Variants in ZNF385D observed in about 807,000 individuals in gnomAD.
The protein encoded by ZNF385D is zinc finger protein 385D, also known as zinc finger protein 659.
In ZNF385D, 15 loss-of-function variants were observed where a neutral mutation model predicts 35.8. The observed-to-expected ratio is 0.42, with a 90% CI of 0.28 to 0.64. ZNF385D has a LOEUF of 0.64. Among genes scored for constraint, ZNF385D ranks in the 30% least tolerant of loss-of-function variants. The pLI is 0.23. For synonymous variants in ZNF385D, 212 were observed against 186.8 expected (o/e 1.13, Z -1.10); for missense variants, 474 against 494.6 (o/e 0.96, Z 0.39).
chr3:22,233,427 A>G (rs772511705), intron 2 of ZNF385D, among the ~76,000 whole-genome samples: 1 of 152,216 alleles, frequency 6.6e-6, no homozygotes, highest in Admixed American at 6.5e-5. Flanking sequence ...ACAAGTGAGG[A>G]GATTAAATTG....
At chr3:21,645,706 C>G (rs559709568) in intron 2 of ZNF385D, among the ~76,000 whole-genome samples, 3 of 152,252 alleles carry the variant, frequency 2.0e-5, no homozygotes, top group Non-Finnish European at 4.4e-5. Flanking sequence ...AGCCAAGTTT[C>G]CTGCCAACAG....
intron 3 of ZNF385D, among the ~76,000 whole-genome samples, chr3:22,125,732 C>T (rs1328420662): frequency 6.6e-6 from 1 of 152,024 alleles, no homozygotes; most frequent in African/African-American, 2.4e-5. Context: ...TCACTGTTGG[C>T]ATATAGAAAT....
At chr3:22,151,023 C>A (rs545748709) in intron 3 of ZNF385D, among the ~76,000 whole-genome samples, 1 of 152,086 alleles carries the variant, frequency 6.6e-6, no homozygotes, top group Non-Finnish European at 1.5e-5. Context: ...CTGTGAATTA[C>A]GAAATAAAAT....
intron 2 of ZNF385D, among the ~76,000 whole-genome samples, chr3:22,203,013 A>T (rs952751308): frequency 6.6e-6 from 1 of 152,084 alleles, no homozygotes; most frequent in African/African-American, 2.4e-5. Context: ...CTGCGCTTGG[A>T]ACCAGTGAAT....
At chr3:22,114,671 G>A (rs1483250016) in intron 3 of ZNF385D, among the ~76,000 whole-genome samples, 1 of 152,070 alleles carries the variant, frequency 6.6e-6, no homozygotes, top group Non-Finnish European at 1.5e-5. Flanking sequence ...GTTCTCCCAG[G>A]TCAGGGGTGA....
chr3:21,620,487 C>T (rs760559998), intron 2 of ZNF385D, among the ~76,000 whole-genome samples: 3 of 152,106 alleles, frequency 2.0e-5, no homozygotes, highest in Non-Finnish European at 2.9e-5. Flanking sequence ...CATTTTATAC[C>T]AACAAGCCAA....
chr3:21,568,744 C>T (rs1408416123), intron 2 of ZNF385D, among the ~76,000 whole-genome samples: 2 of 151,870 alleles, frequency 1.3e-5, no homozygotes, highest in African/African-American at 4.8e-5. Flanking sequence ...TTTAATTTAC[C>T]ATCATTGTTC....
At chr3:21,693,545 A>G (rs2125352708) in intron 1 of ZNF385D, among the ~76,000 whole-genome samples, 1 of 152,350 alleles carries the variant, frequency 6.6e-6, no homozygotes, top group African/African-American at 2.4e-5. Context: ...TAAGCTGTGT[A>G]CACTTGTGCC....
intron 3 of ZNF385D, among the ~76,000 whole-genome samples, chr3:21,781,410 C>T (rs951737114): frequency 2.2e-4 from 33 of 152,028 alleles, no homozygotes; most frequent in African/African-American, 7.2e-4. Flanking sequence ...CTCCTCCTTA[C>T]ACTTCATCTG....
intron 3 of ZNF385D, among the ~76,000 whole-genome samples, chr3:21,771,894 G>T (rs1024229817): frequency 1.3e-5 from 2 of 151,914 alleles, no homozygotes; most frequent in Non-Finnish European, 2.9e-5. Flanking sequence ...TAAACCAATG[G>T]AATAGAATAG....
chr3:22,272,949 G>A (rs539533705), intron 2 of ZNF385D, among the ~76,000 whole-genome samples: 4 of 151,900 alleles, frequency 2.6e-5, no homozygotes, highest in Non-Finnish European at 4.4e-5. Flanking sequence ...CAAAATTAAT[G>A]ATGACTTTTT....
chr3:22,309,306 G>C (rs1345327716), intron 2 of ZNF385D, among the ~76,000 whole-genome samples: 1 of 151,858 alleles, frequency 6.6e-6, no homozygotes, highest in South Asian at 2.1e-4. Flanking sequence ...TCTCTGCCCT[G>C]TACAGTTAAA....
At chr3:21,879,530 C>A (rs772914687) in intron 3 of ZNF385D, among the ~76,000 whole-genome samples, 4 of 151,976 alleles carry the variant, frequency 2.6e-5, no homozygotes, top group Non-Finnish European at 5.9e-5. Context: ...AAACTTCCTT[C>A]TTCAAAGGCA....
At chr3:22,225,518 T>A (rs1467984173) in intron 2 of ZNF385D, among the ~76,000 whole-genome samples, 1 of 152,090 alleles carries the variant, frequency 6.6e-6, no homozygotes, top group Non-Finnish European at 1.5e-5. Flanking sequence ...TATGGATGCA[T>A]GTGGGGTTAG....
chr3:21,634,713 G>A (rs1002519005), intron 2 of ZNF385D, among the ~76,000 whole-genome samples: 1 of 151,652 alleles, frequency 6.6e-6, no homozygotes, highest in Non-Finnish European at 1.5e-5. Context: ...TTATTGTTAT[G>A]TTTTCTTAAG....
At chr3:21,887,146 A>G (rs1285375476) in intron 3 of ZNF385D, among the ~76,000 whole-genome samples, 1 of 152,150 alleles carries the variant, frequency 6.6e-6, no homozygotes, top group African/African-American at 2.4e-5. Flanking sequence ...CCTTTGAGAA[A>G]TTTGTATGAG....
chr3:22,357,768 C>A (rs566045121), intron 2 of ZNF385D, among the ~76,000 whole-genome samples: 6 of 151,828 alleles, frequency 4.0e-5, no homozygotes, highest in African/African-American at 1.4e-4. Flanking sequence ...AATCACACAC[C>A]AACTTTTAAC....
chr3:21,493,460 T>C (rs1705584315), intron 4 of ZNF385D, among the ~76,000 whole-genome samples: 1 of 152,136 alleles, frequency 6.6e-6, no homozygotes, highest in African/African-American at 2.4e-5. Flanking sequence ...AACTATACTT[T>C]TATTCATGTT....
intron 3 of ZNF385D, chr3:21,961,676 C>A (rs1019282342): frequency 6.6e-6 from 1 of 151,926 alleles, no homozygotes; most frequent in Non-Finnish European, 1.5e-5. Context: ...AAACTGATTA[C>A]CTAATATTTT....
Sources: allele counts gnomAD v4.1 joint callset (sites outside exome capture counted in the v4.1 genomes callset), GRCh38; gene constraint gnomAD v4.1.1; transcripts MANE v1.5; gene names NCBI Gene and HGNC (gene_info 2026-07-23, HGNC 2026-07-21).